Variants in IQCM observed in about 807,000 individuals in gnomAD.
IQCM encodes IQ domain-containing protein M.
A neutral mutation model predicts 57.6 loss-of-function variants in IQCM; 45 were observed. The ratio of observed to expected loss-of-function variants is 0.78; its 90% CI spans 0.62 to 1.00. The LOEUF (loss-of-function observed/expected upper bound fraction) is 1.00, where lower values mean the gene tolerates loss of function less well. Among genes scored for constraint, IQCM ranks in the 50% least tolerant of loss-of-function variants. IQCM has a pLI of 0.00. For synonymous variants in IQCM, 148 were observed against 158.9 expected, an observed-to-expected ratio of 0.93 and a Z score of 0.51; for missense variants, 468 against 511.6, an observed-to-expected ratio of 0.91 and a Z score of 0.82.
At chr4:149,641,723 T>A (rs928744260) in intron 7 of IQCM, among the ~76,000 whole-genome samples, 1 of 152,192 alleles carries the variant, frequency 6.6e-6, no homozygotes, top group African/African-American at 2.4e-5. Context: ...CTTATTTCCA[T>A]GGTTTGGTTT....
chr4:149,374,985 G>GTA (rs1560784654), intron 13 of IQCM, among the ~76,000 whole-genome samples: 2 of 124,028 alleles, frequency 1.6e-5, no homozygotes, highest in African/African-American at 5.4e-5. Flanking sequence ...GTGTGTGTGT[G>GTA]TGTGTGTGTG....
chr4:149,518,068 T>G (rs1296342928), intron 12 of IQCM, among the ~76,000 whole-genome samples: 4 of 152,218 alleles, frequency 2.6e-5, no homozygotes, highest in African/African-American at 9.6e-5. Flanking sequence ...TTCGAGTCTC[T>G]GCTGGTGTCA....
At chr4:149,493,065 C>T (rs973937669) in intron 12 of IQCM, among the ~76,000 whole-genome samples, 2 of 152,050 alleles carry the variant, frequency 1.3e-5, no homozygotes, top group African/African-American at 4.8e-5. Context: ...GTGAATCAGA[C>T]TCATGGGGAA....
chr4:149,686,291 C>T lies in IQCM; in HGVS notation c.476+87G>A, dbSNP rs149519576. On this transcript the variant is annotated intron_variant, in intron 6 of 13. Transcript: ENST00000636793. ...CATGTATGGGGTGTTAATAGAAAAA[C>T]TTGAGAGACCATGACAATTGGTCAG... 1,953 of 557,382 alleles carry T rather than the reference C, an allele frequency of 3.5e-3. 5 individuals are homozygous for T. The highest frequency in any genetic ancestry group is 4.9e-3 in the Non-Finnish European group (1,817 of 372,824). 34.5% of individuals were successfully genotyped at this position (557,382 alleles called of 1,614,324 possible).
At chr4:149,724,849 A>G (rs1765751445) in intron 5 of IQCM, among the ~76,000 whole-genome samples, 1 of 152,058 alleles carries the variant, frequency 6.6e-6, no homozygotes, top group African/African-American at 2.4e-5. Flanking sequence ...TATTTTATAT[A>G]TATTACAAAA....
intron 12 of IQCM, among the ~76,000 whole-genome samples, chr4:149,512,294 T>C (rs1744508934): frequency 6.6e-6 from 1 of 152,046 alleles, no homozygotes; most frequent in Non-Finnish European, 1.5e-5. Context: ...AATAGAAATA[T>C]CAAAGAAAGT....
At chr4:149,430,077 A>C (rs1734720327) in intron 13 of IQCM, 4 of 1,092,920 alleles carry the variant, frequency 3.7e-6, no homozygotes, top group Non-Finnish European at 4.6e-6. Flanking sequence ...ATCTTATTAA[A>C]CCCAAAACTT....
chr4:149,650,376 C>T (rs1478222492), intron 7 of IQCM, among the ~76,000 whole-genome samples: 1 of 151,084 alleles, frequency 6.6e-6, no homozygotes, highest in Non-Finnish European at 1.5e-5. Context: ...ATGGCCCTTC[C>T]AACACCTTTG....
At chr4:149,365,785 A>T (rs1037302373) in intron 13 of IQCM, among the ~76,000 whole-genome samples, 7 of 152,282 alleles carry the variant, frequency 4.6e-5, no homozygotes, top group African/African-American at 1.7e-4. Context: ...CCCAATCGGT[A>T]ATCCTCAAAA....
chr4:149,637,016 G>A (rs1030047874), intron 7 of IQCM, among the ~76,000 whole-genome samples: 2 of 151,304 alleles, frequency 1.3e-5, no homozygotes, highest in Non-Finnish European at 3.0e-5. Flanking sequence ...GGTGGCAGGC[G>A]CCTGTAGTCC....
At chr4:149,598,910 T>C (rs1003703065) in intron 8 of IQCM, among the ~76,000 whole-genome samples, 1 of 152,144 alleles carries the variant, frequency 6.6e-6, no homozygotes, top group Non-Finnish European at 1.5e-5. Context: ...GAGCTGCTTA[T>C]AGCTAGTGGC....
At chr4:149,358,351 T>C (rs1226116323) in intron 13 of IQCM, among the ~76,000 whole-genome samples, 2 of 152,242 alleles carry the variant, frequency 1.3e-5, no homozygotes, top group Non-Finnish European at 2.9e-5. Flanking sequence ...GTGTCGATTT[T>C]AGATCTTTCC....
At chr4:149,628,712 A>G (rs1286312061) in intron 7 of IQCM, among the ~76,000 whole-genome samples, 1 of 152,204 alleles carries the variant, frequency 6.6e-6, no homozygotes, top group Non-Finnish European at 1.5e-5. Flanking sequence ...GGGTAAGTTT[A>G]TTAAAAGAGA....
chr4:149,567,888 A>G (rs999445173), intron 9 of IQCM, among the ~76,000 whole-genome samples: 3 of 152,138 alleles, frequency 2.0e-5, no homozygotes, highest in Non-Finnish European at 2.9e-5. Context: ...TTACTTCTGC[A>G]TATTAGGACC....
At chr4:149,568,881 G>C (rs1213874416) in intron 9 of IQCM, among the ~76,000 whole-genome samples, 1 of 152,148 alleles carries the variant, frequency 6.6e-6, no homozygotes, top group Non-Finnish European at 1.5e-5. Context: ...CCATACCTTT[G>C]CAACGTGATT....
At chr4:149,479,847 A>C (rs985492666) in intron 12 of IQCM, among the ~76,000 whole-genome samples, 1 of 152,216 alleles carries the variant, frequency 6.6e-6, no homozygotes, top group Admixed American at 6.5e-5. Flanking sequence ...AGGGAGCCCA[A>C]GACAGGGGCC....
intron 12 of IQCM, among the ~76,000 whole-genome samples, chr4:149,494,116 C>T (rs374085200): frequency 5.7e-4 from 87 of 151,844 alleles, no homozygotes; most frequent in Non-Finnish European, 9.4e-4. Context: ...TAGCCTGATA[C>T]GATACCCACA....
chr4:149,622,342 C>CTTTTTTTTTTTTTTTTTTTTTTT (rs767957507), intron 7 of IQCM, among the ~76,000 whole-genome samples: 2 of 140,586 alleles, frequency 1.4e-5, no homozygotes, highest in Non-Finnish European at 1.5e-5. Flanking sequence ...CAGTGGAATT[C>CTTTTTTTTTTTTTTTTTTTTTTT]TTTTTTATTT....
chr4:149,496,564 G>A lies in IQCM; in HGVS notation c.1228+51891C>T, dbSNP rs114341605. ...AGCTGGCTTTGAAGAATGAGGAAGA[G>A]GCCATCAGCCCAAGAATGCAGGCAG... On this transcript the variant is annotated intron_variant, in intron 12 of 13. Transcript: ENST00000636793. Among the ~76,000 whole-genome samples, 524 of 152,168 alleles carry A rather than the reference G, an allele frequency of 3.4e-3. 8 individuals are homozygous for A. The highest frequency in any genetic ancestry group is 0.011 in the African/African-American group (464 of 41,548).
Sources: gnomAD v4.1 joint callset for allele counts (sites outside exome capture counted in the v4.1 genomes callset) on GRCh38, gnomAD v4.1.1 for gene constraint, MANE v1.5 for transcripts, NCBI Gene and HGNC (gene_info 2026-07-23, HGNC 2026-07-21) for gene names.